The following ERC1 variants were observed in gnomAD, a reference collection of about 807,000 sequenced individuals.
The protein encoded by ERC1 is RAB6 interacting protein 2.
In ERC1, 56 loss-of-function variants were observed where a neutral mutation model predicts 132.0. That is an observed-to-expected ratio of 0.42 (90% CI 0.34 to 0.53). The LOEUF (loss-of-function observed/expected upper bound fraction) is 0.53. ERC1 is among the 20% of genes least tolerant of loss of function. The probability of loss-of-function intolerance (pLI) is 0.03; values close to 1 mark genes in which losing one functional copy is unlikely to be tolerated. For synonymous variants in ERC1, 478 were observed against 476.1 expected, an observed-to-expected ratio of 1.00 and a Z score of -0.05; for missense variants, 1,202 against 1,349.9, an observed-to-expected ratio of 0.89 and a Z score of 1.72.
At chr12:1,392,009 G>A (rs1248359745) in intron 16 of ERC1, among the ~76,000 whole-genome samples, 1 of 152,080 alleles carries the variant, frequency 6.6e-6, no homozygotes, top group African/African-American at 2.4e-5. Flanking sequence ...TACTTAGTGT[G>A]CTGGAGAAAA....
intron 13 of ERC1, among the ~76,000 whole-genome samples, chr12:1,241,377 A>G (rs1330641360): frequency 2.0e-5 from 3 of 152,188 alleles, no homozygotes; most frequent in Admixed American, 6.5e-5. Flanking sequence ...TTGAATTGAT[A>G]TGTTATGAAT....
intron 15 of ERC1, among the ~76,000 whole-genome samples, chr12:1,336,129 C>T (rs145402616): frequency 3.6e-3 from 552 of 151,846 alleles, no homozygotes; most frequent in African/African-American, 0.013. Context: ...TATTTCTAAT[C>T]GTGTTTGTTT....
chr12:1,008,523 C>T (rs373431547), intron 1 of ERC1, among the ~76,000 whole-genome samples: 13 of 152,144 alleles, frequency 8.5e-5, no homozygotes, highest in East Asian at 5.8e-4. Context: ...GTGATCCATC[C>T]GCTTCAGCCT....
chr12:1,425,789 C>T (rs1355353336), intron 17 of ERC1, among the ~76,000 whole-genome samples: 1 of 152,134 alleles, frequency 6.6e-6, no homozygotes, highest in Non-Finnish European at 1.5e-5. Flanking sequence ...GTCTGTTTTT[C>T]TGCGTAACAT....
At chr12:1,321,368 A>G (rs370812750) in intron 15 of ERC1, among the ~76,000 whole-genome samples, 1 of 151,888 alleles carries the variant, frequency 6.6e-6, no homozygotes, top group African/African-American at 2.4e-5. Context: ...ATTGTGCCAT[A>G]TGTGGCACAG....
At chr12:1,326,651 A>G (rs914836025) in intron 15 of ERC1, among the ~76,000 whole-genome samples, 1 of 152,148 alleles carries the variant, frequency 6.6e-6, no homozygotes, top group African/African-American at 2.4e-5. Context: ...TGAGTTTTTG[A>G]AAGAAATTGC....
intron 3 of ERC1, 141 bp downstream of exon 3, chr12:1,083,721 C>A: frequency 1.5e-6 from 1 of 667,094 alleles, no homozygotes; most frequent in Non-Finnish European, 2.5e-6. Context: ...AAGTGCGTCA[C>A]TGATTTCTGT....
intron 15 of ERC1, among the ~76,000 whole-genome samples, chr12:1,361,598 A>G (rs750799262): frequency 1.3e-5 from 2 of 152,158 alleles, no homozygotes; most frequent in Non-Finnish European, 1.5e-5. Flanking sequence ...ACTAAGACCT[A>G]TATCTAAAAA....
At chr12:1,487,774 A>T (rs1440745213) in intron 18 of ERC1, among the ~76,000 whole-genome samples, 4 of 37,346 alleles carry the variant, frequency 1.1e-4, no homozygotes, top group African/African-American at 2.2e-4. Flanking sequence ...GGAGGGAGGG[A>T]GGGAGGAAGG....
intron 12 of ERC1, among the ~76,000 whole-genome samples, chr12:1,203,056 C>T (rs1957053936): frequency 6.6e-6 from 1 of 152,100 alleles, no homozygotes; most frequent in Non-Finnish European, 1.5e-5. Flanking sequence ...TGTCAGCAGA[C>T]CTACATTCTT....
At chr12:1,164,925 A>G (rs1348086873) in intron 8 of ERC1, among the ~76,000 whole-genome samples, 2 of 152,086 alleles carry the variant, frequency 1.3e-5, no homozygotes, top group African/African-American at 2.4e-5. Flanking sequence ...GAATGTTTCT[A>G]TTTCCATGTT....
At chr12:1,200,449 A>C (rs7137563) in intron 12 of ERC1, among the ~76,000 whole-genome samples, 66,320 of 152,022 alleles carry the variant, frequency 0.44, 16,342 homozygotes, top group African/African-American at 0.67. Flanking sequence ...TCCAGTAGTA[A>C]CTATCACATT....
At chr12:1,467,967 A>G (rs1565496099) in intron 18 of ERC1, among the ~76,000 whole-genome samples, 1 of 152,208 alleles carries the variant, frequency 6.6e-6, no homozygotes, top group East Asian at 1.9e-4. Context: ...CTGTAAATAT[A>G]GATGAAGCTT....
chr12:1,467,811 G>A (rs2093774484), intron 18 of ERC1, among the ~76,000 whole-genome samples: 1 of 152,182 alleles, frequency 6.6e-6, no homozygotes, highest in Non-Finnish European at 1.5e-5. Context: ...TAGATTATCA[G>A]GCATTAGATT....
At chr12:1,263,933 A>G (rs57855029) in intron 14 of ERC1, among the ~76,000 whole-genome samples, 38,858 of 151,574 alleles carry the variant, frequency 0.26, 5,350 homozygotes, top group Non-Finnish European at 0.3. Flanking sequence ...CAGGTGATCC[A>G]CCTGCCCCGG....
At chr12:1,300,977 A>G (rs533986234) in intron 15 of ERC1, among the ~76,000 whole-genome samples, 37 of 152,286 alleles carry the variant, frequency 2.4e-4, no homozygotes, top group African/African-American at 7.7e-4. Flanking sequence ...CAATTGTTCT[A>G]TCATATATAC....
At chr12:1,433,261 A>G (rs117104702) in intron 17 of ERC1, among the ~76,000 whole-genome samples, 1 of 152,376 alleles carries the variant, frequency 6.6e-6, no homozygotes, top group East Asian at 1.9e-4. Context: ...GGCACACAGC[A>G]TGCTTTCCTG....
At chr12:1,357,986 A>G (rs761808506) in intron 15 of ERC1, among the ~76,000 whole-genome samples, 11 of 152,220 alleles carry the variant, frequency 7.2e-5, no homozygotes, top group Non-Finnish European at 1.2e-4. Context: ...AGATATGTAG[A>G]AAGCAGAAGA....
At chr12:1,216,556 A>G (rs1566276990) in intron 12 of ERC1, among the ~76,000 whole-genome samples, 1 of 131,192 alleles carries the variant, frequency 7.6e-6, no homozygotes, top group Non-Finnish European at 1.6e-5. Flanking sequence ...GTGTAATTCA[A>G]CTGTAGCATT....
Sources: allele counts gnomAD v4.1 joint callset (sites outside exome capture counted in the v4.1 genomes callset), GRCh38; gene constraint gnomAD v4.1.1; transcripts MANE v1.5; gene names NCBI Gene and HGNC (gene_info 2026-07-23, HGNC 2026-07-21).